The following CCDC102B variants were observed in gnomAD, a reference collection of about 807,000 sequenced individuals.
CCDC102B encodes coiled-coil domain containing 102B.
CCDC102B carries 75 observed loss-of-function variants against 57.4 expected under a neutral mutation model. The ratio of observed to expected loss-of-function variants is 1.31; its 90% CI spans 1.08 to 1.58. CCDC102B has a LOEUF of 1.58. Ranked by LOEUF, CCDC102B falls within the 40% of genes most tolerant of loss-of-function variation. CCDC102B has a pLI of 0.00. For synonymous variants in CCDC102B, 206 were observed against 201.9 expected, an observed-to-expected ratio of 1.02 and a Z score of -0.17; for missense variants, 636 against 582.6, an observed-to-expected ratio of 1.09 and a Z score of -0.94.
Position 68,785,783 on chromosome 18 carries a change from G to A in CCDC102B, c.-66-37583G>A, listed in dbSNP as rs1360634955. Among the ~76,000 whole-genome samples, 27 of 151,380 alleles carry A rather than the reference G, an allele frequency of 1.8e-4. No homozygotes were observed. In the South Asian group the frequency reaches 5.4e-3, roughly 30 times the overall value. On this transcript the variant is annotated intron_variant, in intron 2 of 3. Transcript: ENST00000578970. ...TTTTCTCCCATTCTGTAGGTTGCCT[G>A]TTCACTCTGATGGTAGTTTCTTTTG...
intron 6 of CCDC102B, among the ~76,000 whole-genome samples, chr18:68,942,650 C>G (rs936216032): frequency 6.6e-6 from 1 of 151,998 alleles, no homozygotes; most frequent in African/African-American, 2.4e-5. Flanking sequence ...TGTCTCAACT[C>G]CAGCCCTAAG....
chr18:69,035,690 G>A (rs1452595686), intron 7 of CCDC102B, among the ~76,000 whole-genome samples: 1 of 151,960 alleles, frequency 6.6e-6, no homozygotes, highest in Non-Finnish European at 1.5e-5. Flanking sequence ...TTTTCCAGAT[G>A]GAGAGTTCAT....
At chr18:68,956,757 G>A (rs1599751061) in intron 6 of CCDC102B, among the ~76,000 whole-genome samples, 2 of 149,428 alleles carry the variant, frequency 1.3e-5, no homozygotes, top group Admixed American at 6.8e-5. Flanking sequence ...CAATGTACAA[G>A]GGTTCCCTTT....
At chr18:68,819,535 A>T (rs879630586) in intron 1 of CCDC102B, among the ~76,000 whole-genome samples, 62 of 151,604 alleles carry the variant, frequency 4.1e-4, no homozygotes, top group Non-Finnish European at 8.5e-4. Flanking sequence ...TTCTTTTTTT[A>T]AAAAAAGTTT....
chr18:68,798,928 TAAGA>T (rs1260272827), intron 1 of CCDC102B, among the ~76,000 whole-genome samples: 1 of 152,050 alleles, frequency 6.6e-6, no homozygotes, highest in Non-Finnish European at 1.5e-5. Context: ...AATATAAATA[TAAGA>T]AAGATTCGTC....
intron 6 of CCDC102B, among the ~76,000 whole-genome samples, chr18:68,935,168 G>T (rs572619161): frequency 2.0e-5 from 3 of 151,932 alleles, no homozygotes; most frequent in Non-Finnish European, 4.4e-5. Flanking sequence ...GGAACATTTT[G>T]CCAATCAGAG....
intron 1 of CCDC102B, among the ~76,000 whole-genome samples, chr18:68,806,294 T>C (rs1442519404): frequency 1.3e-5 from 2 of 152,238 alleles, no homozygotes; most frequent in East Asian, 1.9e-4. Flanking sequence ...TCAGCAAACA[T>C]ATCCAATTTT....
intron 6 of CCDC102B, among the ~76,000 whole-genome samples, chr18:68,989,050 C>G (rs1432805371): frequency 6.6e-6 from 1 of 152,184 alleles, no homozygotes; most frequent in East Asian, 1.9e-4. Context: ...GTTCCTGACT[C>G]TAAATACTAT....
intron 6 of CCDC102B, among the ~76,000 whole-genome samples, chr18:68,995,460 G>T (rs994860478): frequency 6.6e-5 from 10 of 152,112 alleles, no homozygotes; most frequent in Non-Finnish European, 1.5e-4. Flanking sequence ...GTTGCTTTGT[G>T]CAGTCTTGGG....
intron 4 of CCDC102B, among the ~76,000 whole-genome samples, chr18:68,860,475 C>CAAACA: frequency 1.9e-5 from 1 of 53,080 alleles, no homozygotes. Context: ...AAAACAAAAA[C>CAAACA]AAAAAAAAAA....
chr18:68,823,396 G>A (rs1191081182), intron 1 of CCDC102B: 1 of 152,152 alleles, frequency 6.6e-6, no homozygotes, highest in Admixed American at 6.5e-5. Flanking sequence ...TGGACAACTT[G>A]CCGTCAAGAC....
At chr18:69,033,422 T>A (rs1049985709) in intron 7 of CCDC102B, among the ~76,000 whole-genome samples, 1 of 152,092 alleles carries the variant, frequency 6.6e-6, no homozygotes, top group Non-Finnish European at 1.5e-5. Context: ...AAGGAAAGCC[T>A]CTGCACATTA....
intron 6 of CCDC102B, among the ~76,000 whole-genome samples, chr18:69,008,171 T>A (rs571117788): frequency 5.3e-5 from 8 of 152,364 alleles, no homozygotes; most frequent in African/African-American, 1.9e-4. Context: ...GTTCCATTGT[T>A]GTTCCAAATA....
upstream of CCDC102B, among the ~76,000 whole-genome samples, chr18:68,797,359 C>T (rs2035666859): frequency 6.6e-6 from 1 of 151,968 alleles, no homozygotes. Context: ...TTCTTTTTTA[C>T]TTTGGACATT....
intron 1 of CCDC102B, among the ~76,000 whole-genome samples, chr18:68,819,427 AT>A (rs2036612583): frequency 6.6e-6 from 1 of 151,960 alleles, no homozygotes; most frequent in Admixed American, 6.6e-5. Context: ...ATTCTCTTTC[AT>A]TTGTCTATTT....
chr18:68,792,387 C>A (rs368719082), intron 2 of CCDC102B, among the ~76,000 whole-genome samples: 2 of 152,150 alleles, frequency 1.3e-5, no homozygotes, highest in African/African-American at 4.8e-5. Context: ...GACCATAAAG[C>A]TACCAGGTTG....
chr18:69,005,203 G>A lies in CCDC102B; in HGVS notation c.1264-5731G>A, dbSNP rs555050604. ...ATCCAATGTATCTGAGTCAACTTTC[G>A]AGAAGAGAAAATCTGCCCTTGTTGA... On this transcript the variant is annotated intron_variant, in intron 6 of 7. Coordinates refer to ENST00000360242, the MANE Select transcript of CCDC102B (RefSeq NM_024781.3). Among the ~76,000 whole-genome samples, 39 of 152,202 alleles carry A rather than the reference G, an allele frequency of 2.6e-4. No homozygotes were observed. In the South Asian group the frequency reaches 7.7e-3, roughly 30 times the overall value.
At chr18:68,893,257 G>A (rs1417363110) in intron 5 of CCDC102B, among the ~76,000 whole-genome samples, 1 of 152,126 alleles carries the variant, frequency 6.6e-6, no homozygotes, top group African/African-American at 2.4e-5. Flanking sequence ...TTGTAGGAAA[G>A]AGTTTTCTTA....
At chr18:69,052,850 A>G (rs1256424506) in intron 7 of CCDC102B, among the ~76,000 whole-genome samples, 1 of 151,894 alleles carries the variant, frequency 6.6e-6, no homozygotes, top group African/African-American at 2.4e-5. Flanking sequence ...TCCCTAAACA[A>G]CACAATATAA....
Sources: allele counts gnomAD v4.1 joint callset (sites outside exome capture counted in the v4.1 genomes callset), GRCh38; gene constraint gnomAD v4.1.1; transcripts MANE v1.5; gene names NCBI Gene and HGNC (gene_info 2026-07-23, HGNC 2026-07-21).